ABCB1: variants seen among roughly 807,000 people sequenced by gnomAD.
ABCB1 encodes ATP binding cassette subfamily B member 1, also known as ATP-dependent translocase ABCB1.
In ABCB1, 69 loss-of-function variants were observed where a neutral mutation model predicts 142.0. The observed-to-expected ratio is 0.49, with a 90% CI of 0.40 to 0.59. The LOEUF is 0.59. Among genes scored for constraint, ABCB1 ranks in the 20% least tolerant of loss-of-function variants. The pLI, the probability that ABCB1 is intolerant of heterozygous loss-of-function variation, is 0.00. For synonymous variants in ABCB1, 532 were observed against 539.2 expected, an observed-to-expected ratio of 0.99 and a Z score of 0.18; for missense variants, 1,326 against 1,554.7, an observed-to-expected ratio of 0.85 and a Z score of 2.47.
Position 87,549,912 on chromosome 7 carries a change from T to A in ABCB1, c.1493A>T (p.Asp498Val), listed in dbSNP as rs760874215. Residue 498 changes from aspartate to valine, a missense_variant, in exon 13 of 28, where the codon GAT (aspartate) becomes GTT (valine). Physicochemically the swap from Asp to Val is radical, Grantham distance 152. Coordinates refer to ENST00000622132, the MANE Select transcript of ABCB1 (RefSeq NM_001348946.2). The part of the protein sequence containing the change: ...IRYGRENVTM[D>V]EIEKAVKEAN... ...TTCCTTGACAGCTTTCTCAATCTCA[T>A]CCATGGTGACATTTTCACGGCCATA... The A allele has an allele frequency of 6.2e-7, 1 of 1,614,066 alleles. No individual in the cohort carries two copies. The highest frequency in any genetic ancestry group is 1.1e-5 in the South Asian group (1 of 91,092).
intron 21 of ABCB1, among the ~76,000 whole-genome samples, chr7:87,526,890 G>A (rs1390381182): frequency 1.3e-5 from 2 of 151,988 alleles, no homozygotes; most frequent in African/African-American, 2.4e-5. Flanking sequence ...ATCCTAAACC[G>A]GATTGCATTT....
chr7:87,548,119 G>A (rs1331820228), intron 14 of ABCB1, among the ~76,000 whole-genome samples: 1 of 112,710 alleles, frequency 8.9e-6, no homozygotes, highest in Non-Finnish European at 1.9e-5. Flanking sequence ...GGGGATGGGA[G>A]GGGAGGGAAG....
chr7:87,689,108 G>A (rs375405876), intron 1 of ABCB1, among the ~76,000 whole-genome samples: 1 of 151,894 alleles, frequency 6.6e-6, no homozygotes, highest in East Asian at 1.9e-4. Context: ...GGGGAAGGGG[G>A]ATTATCACAA....
In ABCB1 at chr7:87,593,729, T is replaced by G. The variant is rs144210304; in HGVS notation, c.117+2037A>C. On this transcript the variant is annotated intron_variant, in intron 3 of 27. Coordinates refer to ENST00000622132, the MANE Select transcript of ABCB1 (RefSeq NM_001348946.2). Reference sequence around the variant, plus strand: ...ATAAAATCCTTGGGCACTGAGTCTCTAATGAGCTTCTCTGATAAACAGCAT... The same window carrying G: ...ATAAAATCCTTGGGCACTGAGTCTCGAATGAGCTTCTCTGATAAACAGCAT... Among the ~76,000 whole-genome samples the G allele has an allele frequency of 1.6e-3, 251 of 152,348 alleles. 1 individual carries two copies. Among genetic ancestry groups the G allele is most frequent in the African/African-American group, 5.7e-3 (239 of 41,586 alleles).
At chr7:87,614,275 T>C (rs1024847217) in intron 1 of ABCB1, among the ~76,000 whole-genome samples, 1 of 152,144 alleles carries the variant, frequency 6.6e-6, no homozygotes, top group African/African-American at 2.4e-5. Context: ...CATGCACCTG[T>C]ATTCTTAGCT....
At chr7:87,635,702 AT>A (rs1162866083) in intron 1 of ABCB1, among the ~76,000 whole-genome samples, 6 of 152,334 alleles carry the variant, frequency 3.9e-5, no homozygotes, top group African/African-American at 1.4e-4. Context: ...GTAGGGCACA[AT>A]GTTGTAACTA....
chr7:87,532,204 T>C (rs11983225), intron 20 of ABCB1, among the ~76,000 whole-genome samples: 19,891 of 152,118 alleles, frequency 0.13, 1,388 homozygotes, highest in African/African-American at 0.17. Flanking sequence ...TATAATTTAG[T>C]CCAGCACATC....
chr7:87,620,966 C>A (rs1820201066), intron 1 of ABCB1, among the ~76,000 whole-genome samples: 1 of 151,798 alleles, frequency 6.6e-6, no homozygotes, highest in African/African-American at 2.4e-5. Flanking sequence ...TAATACCAGT[C>A]CGAAACTCCA....
At chr7:87,558,270 G>T (rs911086926) in intron 8 of ABCB1, among the ~76,000 whole-genome samples, 1 of 152,328 alleles carries the variant, frequency 6.6e-6, no homozygotes, top group South Asian at 2.1e-4. Flanking sequence ...GGCACTGACT[G>T]TTAGGTTTAT....
intron 7 of ABCB1, chr7:87,565,477 G>C (rs776793184): frequency 5.7e-5 from 26 of 455,570 alleles, no homozygotes; most frequent in South Asian, 1.9e-4. Flanking sequence ...TGACAGGAGA[G>C]AGAGCTGAAG....
intron 1 of ABCB1, among the ~76,000 whole-genome samples, chr7:87,606,997 T>G (rs778423753): frequency 6.6e-6 from 1 of 152,164 alleles, no homozygotes; most frequent in Non-Finnish European, 1.5e-5. Flanking sequence ...GTATTTTTCA[T>G]TTATTAATAA....
In ABCB1 at chr7:87,595,766, C is replaced by G; in HGVS notation, c.117G>C (p.Met39Ile). The change falls in exon 3 of 28, where the codon ATG (methionine) becomes ATC (isoleucine). Residue 39 changes from methionine to isoleucine, a missense_variant and splice_region_variant. Physicochemically the swap from Met to Ile is conservative, Grantham distance 10. Coordinates refer to ENST00000622132, the MANE Select transcript of ABCB1 (RefSeq NM_001348946.2). ...EKKPTVSVFS[M>I]FRYSNWLDKL... is the part of the protein sequence containing the mutation. The stretch of plus-strand genomic sequence containing the variant: ...AATAGTTAATAAATTCAAAACTCAC[C>G]ATTGAAAATACACTGACAGTTGGTT... The G allele has an allele frequency of 1.9e-6, 3 of 1,605,598 alleles. No homozygotes were observed. Among genetic ancestry groups the G allele is most frequent in the Non-Finnish European group, 2.6e-6 (3 of 1,172,888 alleles).
chr7:87,553,749 TA>T lies in ABCB1; in HGVS notation c.999+11del. The T allele has an allele frequency of 5.0e-6, 8 of 1,612,828 alleles. No homozygotes were observed. The highest frequency in any genetic ancestry group is 6.8e-6 in the Non-Finnish European group (8 of 1,178,822). ...TATAATAATGGTTCATTTCTCAATG[TA>T]AACCACTTACAGTGAGTACTTGTCC... On this transcript the variant is annotated intron_variant, in intron 9 of 27. Coordinates refer to ENST00000622132, the MANE Select transcript of ABCB1 (RefSeq NM_001348946.2).
chr7:87,582,865 C>A (rs1043887642), intron 4 of ABCB1, among the ~76,000 whole-genome samples: 1 of 151,980 alleles, frequency 6.6e-6, no homozygotes, highest in African/African-American at 2.4e-5. Flanking sequence ...AGTTCACACC[C>A]TGTACAAAAA....
intron 1 of ABCB1, among the ~76,000 whole-genome samples, chr7:87,642,569 A>G (rs1430852697): frequency 6.6e-6 from 1 of 152,016 alleles, no homozygotes; most frequent in Non-Finnish European, 1.5e-5. Context: ...TCTTGGTTTG[A>G]TGGCTTACTA....
At chr7:87,609,513 T>C (rs1172557649) in intron 1 of ABCB1, among the ~76,000 whole-genome samples, 2 of 152,136 alleles carry the variant, frequency 1.3e-5, no homozygotes, top group Non-Finnish European at 2.9e-5. Context: ...ACAGGTTTTC[T>C]GACACTGAGC....
At chr7:87,694,361 G>A (rs1828302206) in intron 1 of ABCB1, among the ~76,000 whole-genome samples, 2 of 152,092 alleles carry the variant, frequency 1.3e-5, no homozygotes, top group South Asian at 2.1e-4. Flanking sequence ...TTTCTCCCAG[G>A]TAGAATGCAT....
Position 87,509,368 on chromosome 7 carries a change from G to A in ABCB1, c.3396C>T (p.Ala1132=), listed in dbSNP as rs34748655. 6.6e-4 allele frequency: 1,058 copies of A among 1,614,164 alleles called. 9 individuals are homozygous for A. Among genetic ancestry groups the A allele is most frequent in the South Asian group, 3.9e-3 (352 of 91,080 alleles). The stretch of plus-strand genomic sequence containing the variant: ...ACACCACCCGGCTGTTGTCTCCATA[G>A]GCAATGTTCTCAGCAATGCTGCAGT... ...LFDCSIAENI[A]YGDNSRVVSQ... Residue 1132 remains alanine, a synonymous_variant, in exon 26 of 28, where the codon GCC becomes GCT. Coordinates refer to ENST00000622132, the MANE Select transcript of ABCB1 (RefSeq NM_001348946.2).
chr7:87,590,260 T>C (rs373328162), intron 3 of ABCB1, among the ~76,000 whole-genome samples: 32 of 152,214 alleles, frequency 2.1e-4, no homozygotes, highest in Non-Finnish European at 3.2e-4. Context: ...AATAGATGTA[T>C]TCAACATTCA....
Sources: gnomAD v4.1 joint callset for allele counts (sites outside exome capture counted in the v4.1 genomes callset) on GRCh38, gnomAD v4.1.1 for gene constraint, MANE v1.5 for transcripts, NCBI Gene and HGNC (gene_info 2026-07-23, HGNC 2026-07-21) for gene names.